KCNT2: variants seen among roughly 807,000 people sequenced by gnomAD.
The protein encoded by KCNT2 is potassium channel subfamily T member 2.
KCNT2 carries 67 observed loss-of-function variants against 153.8 expected under a neutral mutation model. The ratio of observed to expected loss-of-function variants is 0.44; its 90% CI spans 0.36 to 0.53. The LOEUF is 0.53. Ranked by LOEUF, KCNT2 falls within the 20% of genes least tolerant of loss-of-function variation. The pLI, the probability that KCNT2 is intolerant of heterozygous loss-of-function variation, is 0.00. For synonymous variants in KCNT2, 500 were observed against 458.8 expected (o/e 1.09, Z -1.15); for missense variants, 975 against 1,354.8 (o/e 0.72, Z 4.40).
At chr1:196,549,924 G>T (rs1357665804) in intron 1 of KCNT2, among the ~76,000 whole-genome samples, 1 of 151,834 alleles carries the variant, frequency 6.6e-6, no homozygotes, top group Admixed American at 6.6e-5. Flanking sequence ...GCAGAAATAG[G>T]CTGAGAAAGA....
intron 8 of KCNT2, among the ~76,000 whole-genome samples, chr1:196,457,459 G>A (rs1028482297): frequency 4.0e-5 from 6 of 149,280 alleles, no homozygotes; most frequent in South Asian, 2.1e-4. Context: ...CCTGGACTGC[G>A]TGGTTCCAGA....
chr1:196,513,611 C>T (rs1243216046), intron 1 of KCNT2, among the ~76,000 whole-genome samples: 1 of 152,170 alleles, frequency 6.6e-6, no homozygotes, highest in African/African-American at 2.4e-5. Context: ...CTCTCTTTTG[C>T]CTTGCCTCCA....
chr1:196,390,297 T>C (rs1280929627), intron 13 of KCNT2, among the ~76,000 whole-genome samples: 1 of 151,608 alleles, frequency 6.6e-6, no homozygotes, highest in East Asian at 1.9e-4. Context: ...TATAAACTCA[T>C]ATTCTGGTGT....
chr1:196,507,331 T>C (rs899053751), intron 1 of KCNT2, among the ~76,000 whole-genome samples: 16 of 152,122 alleles, frequency 1.1e-4, no homozygotes, highest in Non-Finnish European at 2.1e-4. Context: ...AATTACGAGG[T>C]GCTCTTTCAA....
intron 1 of KCNT2, among the ~76,000 whole-genome samples, chr1:196,563,949 A>C (rs1033511012): frequency 6.6e-6 from 1 of 151,976 alleles, no homozygotes; most frequent in African/African-American, 2.4e-5. Context: ...AATCAGGAAC[A>C]AAAAAGCAAT....
At chr1:196,521,865 G>T (rs528344682) in intron 1 of KCNT2, among the ~76,000 whole-genome samples, 14 of 152,178 alleles carry the variant, frequency 9.2e-5, no homozygotes, top group African/African-American at 2.9e-4. Context: ...GTACCTGGGT[G>T]ACAAAATAAT....
At chr1:196,549,635 A>C (rs954042829) in intron 1 of KCNT2, among the ~76,000 whole-genome samples, 1 of 151,946 alleles carries the variant, frequency 6.6e-6, no homozygotes, top group Non-Finnish European at 1.5e-5. Flanking sequence ...AACATGGACA[A>C]GAAATAACTC....
chr1:196,467,562 T>C, intron 7 of KCNT2, 141 bp downstream of exon 7: 1 of 440,868 alleles, frequency 2.3e-6, no homozygotes, highest in Non-Finnish European at 4.2e-6. Flanking sequence ...TCCAATAGTA[T>C]GAGTTAAACG....
At chr1:196,356,132 C>T (rs1036833601) in intron 14 of KCNT2, among the ~76,000 whole-genome samples, 1 of 151,756 alleles carries the variant, frequency 6.6e-6, no homozygotes, top group Non-Finnish European at 1.5e-5. Flanking sequence ...ATAACTAGGA[C>T]ATTTCTGCTG....
chr1:196,289,786 A>ATTTCT (rs1483517727), intron 22 of KCNT2, among the ~76,000 whole-genome samples: 1 of 152,048 alleles, frequency 6.6e-6, no homozygotes, highest in East Asian at 1.9e-4. Flanking sequence ...AATTTATCAT[A>ATTTCT]TTTCTTTTCT....
intron 1 of KCNT2, among the ~76,000 whole-genome samples, chr1:196,504,305 A>G (rs1680945429): frequency 7.0e-6 from 1 of 143,844 alleles, no homozygotes; most frequent in African/African-American, 2.6e-5. Flanking sequence ...TCATTGTTCA[A>G]TTCCCACCTA....
At chr1:196,442,268 T>G (rs1675299842) in intron 8 of KCNT2, among the ~76,000 whole-genome samples, 1 of 151,834 alleles carries the variant, frequency 6.6e-6, no homozygotes, top group South Asian at 2.1e-4. Flanking sequence ...ATGAGAACAC[T>G]TTCAATTTGT....
chr1:196,473,535 A>C (rs1410201059), intron 5 of KCNT2, among the ~76,000 whole-genome samples: 1 of 152,206 alleles, frequency 6.6e-6, no homozygotes, highest in Non-Finnish European at 1.5e-5. Flanking sequence ...GTTTTGTGAC[A>C]CATGAATGAA....
At chr1:196,383,627 C>T (rs750848809) in intron 13 of KCNT2, among the ~76,000 whole-genome samples, 7 of 152,114 alleles carry the variant, frequency 4.6e-5, no homozygotes, top group African/African-American at 1.4e-4. Context: ...CTGGAATCAT[C>T]GGGAGTGATG....
chr1:196,561,465 G>C (rs147770830), intron 1 of KCNT2, among the ~76,000 whole-genome samples: 2 of 150,946 alleles, frequency 1.3e-5, no homozygotes, highest in African/African-American at 4.9e-5. Flanking sequence ...CTGGTGGTGC[G>C]TTGGATATCA....
At chr1:196,332,594 G>A (rs369443950) in intron 17 of KCNT2, among the ~76,000 whole-genome samples, 2 of 152,098 alleles carry the variant, frequency 1.3e-5, no homozygotes, top group East Asian at 3.8e-4. Flanking sequence ...TGGAAGAAAT[G>A]TCAGAGATTA....
At chr1:196,423,227 T>C (rs1333787718) in intron 11 of KCNT2, 114 bp from the exon 12 acceptor site, 1 of 546,772 alleles carries the variant, frequency 1.8e-6, no homozygotes, top group Non-Finnish European at 3.2e-6. Context: ...ATGTAGACCA[T>C]GTATATCCTT....
intron 1 of KCNT2, among the ~76,000 whole-genome samples, chr1:196,517,033 G>T (rs1652657299): frequency 6.6e-6 from 1 of 152,152 alleles, no homozygotes; most frequent in Non-Finnish European, 1.5e-5. Context: ...CTGGGAGAGA[G>T]CTCCCAATGG....
intron 15 of KCNT2, among the ~76,000 whole-genome samples, chr1:196,341,693 C>T (rs571837904): frequency 6.6e-6 from 1 of 151,752 alleles, no homozygotes; most frequent in African/African-American, 2.4e-5. Context: ...AAACAAGGGC[C>T]ACCATCAGAG....
Sources: allele counts gnomAD v4.1 joint callset (sites outside exome capture counted in the v4.1 genomes callset), GRCh38; gene constraint gnomAD v4.1.1; transcripts MANE v1.5; gene names NCBI Gene and HGNC (gene_info 2026-07-23, HGNC 2026-07-21).